Variants in GTPBP4 observed in about 807,000 individuals in gnomAD.
GTPBP4 encodes the protein GTP binding protein 4.
GTPBP4 carries 15 observed loss-of-function variants against 81.7 expected under a neutral mutation model. The ratio of observed to expected loss-of-function variants is 0.18; its 90% CI spans 0.12 to 0.28. GTPBP4 has a LOEUF of 0.28. Among genes scored for constraint, GTPBP4 ranks in the 10% least tolerant of loss-of-function variants. The pLI, the probability that GTPBP4 is intolerant of heterozygous loss-of-function variation, is 1.00. For missense variants in GTPBP4, 847 were observed against 793.8 expected (o/e 1.07, Z -0.81); for synonymous variants, 272 against 274.6 (o/e 0.99, Z 0.09).
chr10:1,007,024 G>T lies in GTPBP4; in HGVS notation c.1009G>T (p.Asp337Tyr), dbSNP rs201467313. ...TTCTTTTTTACGTTATTAGGCTTGC[G>T]ATAGGCTTTTGGCTCATCGAGTGGA... The part of the protein sequence containing the change: ...GVIKVKTEAC[D>Y]RLLAHRVETK... The change falls in exon 10 of 17, where the codon GAT becomes TAT. Residue 337 changes from aspartate (D) to tyrosine (Y), a missense_variant. Asp to Tyr is a radical substitution (Grantham distance 160). This residue lies in a region of GTPBP4 where 600 missense variants were observed against 557.1 expected (regional missense o/e 1.08). Transcript: ENST00000360803. 1.2e-6 allele frequency: 2 copies of T among 1,605,008 alleles called. No homozygotes were observed. The highest frequency in any genetic ancestry group is 8.5e-7 in the Non-Finnish European group (1 of 1,171,716).
At chr10:1,005,480 C>T (rs2387213) in intron 8 of GTPBP4, among the ~76,000 whole-genome samples, 32,401 of 152,028 alleles carry the variant, frequency 0.21, 4,081 homozygotes, top group Non-Finnish European at 0.29. Flanking sequence ...CATCGTCTTG[C>T]GTTTTTCTGC....
intron 15 of GTPBP4, among the ~76,000 whole-genome samples, chr10:1,014,673 A>C (rs1489479547): frequency 6.6e-6 from 1 of 152,064 alleles, no homozygotes; most frequent in East Asian, 1.9e-4. Context: ...AAAAGAAAGA[A>C]AGAAACCAGG....
intron 5 of GTPBP4, 140 bp from the exon 6 acceptor site, chr10:998,863 G>A: frequency 1.6e-6 from 1 of 615,992 alleles, no homozygotes; most frequent in South Asian, 1.9e-5. Flanking sequence ...AGAGGTACCA[G>A]GCTCCTATTC....
intron 6 of GTPBP4, 109 bp from the exon 7 acceptor site, chr10:1,000,568 C>A: frequency 2.0e-6 from 1 of 492,126 alleles, no homozygotes. Context: ...TACAATTCTG[C>A]TGTAAGATTA....
rs182065508 is a variant in GTPBP4 at position 989,712 on chromosome 10, T to G, written c.48+1185T>G. Among the ~76,000 whole-genome samples the G allele has an allele frequency of 5.8e-4, 88 of 152,304 alleles. 1 individual carries two copies. In the Middle Eastern group the frequency reaches 0.01, roughly 18 times the overall value. ...TTTCTTATTTCTTCCTGACAGTTGT[T>G]CTGGCACATCTCTTGATCGATTGTA... On this transcript the variant is annotated intron_variant, in intron 1 of 16. Transcript: ENST00000360803.
chr10:1,016,745 T>C (rs545057531), intron 16 of GTPBP4, among the ~76,000 whole-genome samples: 2 of 152,330 alleles, frequency 1.3e-5, no homozygotes, highest in Admixed American at 6.5e-5. Context: ...AAAATACTCA[T>C]TGAGTTCCTG....
intron 2 of GTPBP4, among the ~76,000 whole-genome samples, chr10:993,326 C>T (rs1589022539): frequency 6.6e-6 from 1 of 152,146 alleles, no homozygotes; most frequent in Non-Finnish European, 1.5e-5. Flanking sequence ...GATCTCAGCC[C>T]GCTGAAATCT....
rs766809021 is a variant in GTPBP4, at chr10:1,007,033, T to C, written c.1018T>C (p.Leu340=). ...ACGTTATTAGGCTTGCGATAGGCTTTTGGCTCATCGAGTGGAAACCAAAAT... is the reference window on the plus strand; with the variant it reads ...ACGTTATTAGGCTTGCGATAGGCTTCTGGCTCATCGAGTGGAAACCAAAAT... ...KVKTEACDRL[L]AHRVETKMKG... is the part of the protein sequence containing the mutation. The change falls in exon 10 of 17, where the codon TTG becomes CTG. Residue 340 remains leucine (L), a synonymous_variant. Coordinates refer to ENST00000360803, the MANE Select transcript of GTPBP4 (RefSeq NM_012341.3). The C allele has an allele frequency of 6.2e-7, 1 of 1,610,204 alleles. No homozygotes were observed. Among genetic ancestry groups the C allele is most frequent in the East Asian group, 2.2e-5 (1 of 44,876 alleles).
At chr10:997,359 T>C (rs1362852015) in intron 5 of GTPBP4, 51 bp downstream of exon 5, 1 of 983,502 alleles carries the variant, frequency 1.0e-6, no homozygotes, top group African/African-American at 1.6e-5. Context: ...TTTACGTCAG[T>C]GTTACTGTAT....
rs112110587 is a variant in GTPBP4, at chr10:1,005,045, T to G, written c.913-773T>G. ...GGTGGCAGGGCTGCTGCCATCCTCT[T>G]GCTTACCCCCTCACCGTAGGGAGAA... On this transcript the variant is annotated intron_variant, in intron 8 of 16. Transcript: ENST00000360803. Among the ~76,000 whole-genome samples the G allele has an allele frequency of 3.1e-3, 468 of 152,250 alleles. 2 individuals carry two copies. The highest frequency in any genetic ancestry group is 0.01 in the African/African-American group (420 of 41,558).
At position 1,005,831 on chromosome 10, in the gene GTPBP4, A is replaced by G; in HGVS notation, c.926A>G (p.Asp309Gly). ...LSEDDQKIFT[D>G]LQSEGFPVIE... ...TTGCATTCCCAGAAAATATTTACAGATTTGCAGTCTGAAGGATTCCCTGTA... is the reference window on the plus strand; with the variant it reads ...TTGCATTCCCAGAAAATATTTACAGGTTTGCAGTCTGAAGGATTCCCTGTA... The change falls in exon 9 of 17, where the codon GAT (aspartate) becomes GGT (glycine). Residue 309 changes from aspartate to glycine, a missense_variant. Physicochemically the swap from Asp to Gly is moderately conservative, Grantham distance 94. Coordinates refer to ENST00000360803, the MANE Select transcript of GTPBP4 (RefSeq NM_012341.3). 1 of 1,588,522 alleles carries G rather than the reference A, an allele frequency of 6.3e-7. No individual in the cohort carries two copies. Among genetic ancestry groups the G allele is most frequent in the Non-Finnish European group, 8.6e-7 (1 of 1,157,188 alleles).
At chr10:999,560 G>A (rs1364778304) in intron 6 of GTPBP4, among the ~76,000 whole-genome samples, 3 of 152,240 alleles carry the variant, frequency 2.0e-5, no homozygotes, top group Admixed American at 6.5e-5. Flanking sequence ...TTCAGGGGAG[G>A]CAGCCAGCTG....
chr10:1,014,389 G>A (rs923385738), intron 15 of GTPBP4, 77 bp downstream of exon 15: 1 of 1,036,208 alleles, frequency 9.7e-7, no homozygotes, highest in Middle Eastern at 2.1e-4. Flanking sequence ...GGGCGTGGTG[G>A]CTCATGCCTG....
chr10:996,039 T>A lies in GTPBP4; in HGVS notation c.323+7T>A. On this transcript the variant is annotated splice_region_variant and intron_variant, in intron 3 of 16. Transcript: ENST00000360803. ...CCAAAAATTTAGTGGACAAGTAAGG[T>A]ACTTTTTTCTGTAGTGTCTTTTAAG... The A allele has an allele frequency of 6.3e-7, 1 of 1,593,926 alleles. No homozygotes were observed. The highest frequency in any genetic ancestry group is 1.3e-5 in the African/African-American group (1 of 74,588).
chr10:1,014,884 A>T (rs1480181852), intron 15 of GTPBP4, among the ~76,000 whole-genome samples: 1 of 151,516 alleles, frequency 6.6e-6, no homozygotes, highest in African/African-American at 2.4e-5. Context: ...TCTCAAAAAA[A>T]AAAAAGCTCC....
In GTPBP4 at chr10:1,019,400, G is replaced by T; in HGVS notation, c.*2173G>T. 3.0e-6 allele frequency: 2 copies of T among 675,930 alleles called. No individual in the cohort carries two copies. The highest frequency in any genetic ancestry group is 5.0e-6 in the Non-Finnish European group (2 of 402,102). 41.9% of individuals were successfully genotyped at this position (675,930 alleles called of 1,614,324 possible). A position where few individuals can be genotyped will look rare whatever the true frequency, so the allele number is the denominator to read the frequency against. On this transcript the variant is annotated 3_prime_UTR_variant, in exon 17 of 17. Coordinates refer to ENST00000360803, the MANE Select transcript of GTPBP4 (RefSeq NM_012341.3). ...AAGGTTGAAATAGTGATTTATACAT[G>T]ATGGGCAATCAAGTGCCCCTTTTGC...
At chr10:1,007,321 G>A (rs1181498152) in intron 10 of GTPBP4, 193 bp downstream of exon 10, 12 of 524,048 alleles carry the variant, frequency 2.3e-5, no homozygotes, top group South Asian at 5.4e-5. Context: ...CATGGCACCC[G>A]TTTCCCACTG....
chr10:1,008,954 T>A lies in GTPBP4; in HGVS notation c.1114-4T>A. ...CATAAATATTTTATATGGGATCTTC[T>A]CAGGAGAGGCCCCCTTTCATCCCTG... On this transcript the variant is annotated splice_region_variant and splice_polypyrimidine_tract_variant and intron_variant, in intron 10 of 16. Transcript: ENST00000360803. 1 of 1,603,326 alleles carries A rather than the reference T, an allele frequency of 6.2e-7. No individual in the cohort carries two copies. The highest frequency in any genetic ancestry group is 8.5e-7 in the Non-Finnish European group (1 of 1,170,074).
In GTPBP4 at chr10:1,007,817, A is replaced by G. The variant is rs984017890; in HGVS notation, c.1113+689A>G. 1.4e-5 allele frequency: 7 copies of G among 485,916 alleles called. No individual in the cohort carries two copies. In the Admixed American group the frequency reaches 1.6e-4, roughly 11 times the overall value. 30.1% of individuals were successfully genotyped at this position (485,916 alleles called of 1,614,324 possible). Reference sequence around the variant, plus strand: ...TGACTGTCAGTCTTGTGTAAAGATGATTTTATTGTTGTGTGTTTATGTAAT... The same window carrying G: ...TGACTGTCAGTCTTGTGTAAAGATGGTTTTATTGTTGTGTGTTTATGTAAT... On this transcript the variant is annotated intron_variant, in intron 10 of 16. Transcript: ENST00000360803.
Sources: allele counts gnomAD v4.1 joint callset (sites outside exome capture counted in the v4.1 genomes callset), GRCh38; gene constraint gnomAD v4.1.1; regional missense constraint gnomAD v4.1.1; transcripts MANE v1.5; gene names NCBI Gene and HGNC (gene_info 2026-07-23, HGNC 2026-07-21).